RGS5: variants seen among roughly 807,000 people sequenced by gnomAD.
RGS5 encodes the protein regulator of G-protein signalling 5.
A neutral mutation model predicts 18.9 loss-of-function variants in RGS5; 20 were observed. That is an observed-to-expected ratio of 1.06 (90% CI 0.74 to 1.54). The LOEUF (loss-of-function observed/expected upper bound fraction) is 1.54, where lower values mean the gene tolerates loss of function less well. RGS5 is among the 40% of genes most tolerant of loss of function. The pLI, the probability that RGS5 is intolerant of heterozygous loss-of-function variation, is 0.00. For synonymous variants in RGS5, 57 were observed against 76.2 expected (o/e 0.75, Z 1.31); for missense variants, 201 against 211.8 (o/e 0.95, Z 0.32).
At chr1:163,231,882 T>C (rs1647491365) in intron 2 of RGS5, among the ~76,000 whole-genome samples, 1 of 152,042 alleles carries the variant, frequency 6.6e-6, no homozygotes, top group Non-Finnish European at 1.5e-5. Flanking sequence ...TGTGCAGAAG[T>C]AAAGTACTCC....
chr1:163,222,861 A>T (rs534092302), intron 2 of RGS5, among the ~76,000 whole-genome samples: 1 of 151,872 alleles, frequency 6.6e-6, no homozygotes, highest in East Asian at 1.9e-4. Flanking sequence ...TTATTTTTTT[A>T]TTTATTTATA....
chr1:163,153,228 A>C (rs901135901), intron 3 of RGS5, among the ~76,000 whole-genome samples: 1 of 152,178 alleles, frequency 6.6e-6, no homozygotes, highest in Non-Finnish European at 1.5e-5. Context: ...TGTCCCAAGC[A>C]CTATGATTTA....
rs35268118 is a variant in RGS5 at position 163,253,472 on chromosome 1, C to CT, written c.-281+52760dup. ...TACAGGTACACGCCACCATGCCCAACTTTTTTTTTTTTTTTTTAGTAGAGA... is the reference window on the plus strand; with the variant it reads ...TACAGGTACACGCCACCATGCCCAACTTTTTTTTTTTTTTTTTTAGTAGAGA... On this transcript the variant is annotated intron_variant, in intron 2 of 5. Coordinates refer to the RGS5 transcript ENST00000618415. Among the ~76,000 whole-genome samples, 488 of 137,716 alleles carry CT rather than the reference C, an allele frequency of 3.5e-3. 2 individuals carry two copies. Among genetic ancestry groups the CT allele is most frequent in the African/African-American group, 9.4e-3 (355 of 37,762 alleles). 90.3% of individuals were successfully genotyped at this position (137,716 alleles called of 152,430 possible).
Position 163,275,656 on chromosome 1 carries a change from G to A in RGS5, c.-281+30577C>T, listed in dbSNP as rs1167338592. On this transcript the variant is annotated intron_variant, in intron 2 of 5. Transcript: ENST00000618415. ...GGGTTATTTCCAGAGAACTGAAATGGTTATTTTTTTACATCTCTTTTCAGC... is the reference window on the plus strand; with the variant it reads ...GGGTTATTTCCAGAGAACTGAAATGATTATTTTTTTACATCTCTTTTCAGC... 2.6e-5 allele frequency among the ~76,000 whole-genome samples: 4 copies of A among 152,148 alleles called. No homozygotes were observed. The South Asian group carries it at 8.3e-4, about 32-fold the overall frequency.
chr1:163,147,036 T>C lies in RGS5; in HGVS notation c.*306A>G, dbSNP rs1657156917. The C allele has an allele frequency of 4.6e-6, 1 of 217,526 alleles. No individual in the cohort carries two copies. The highest frequency in any genetic ancestry group is 9.0e-6 in the Non-Finnish European group (1 of 111,504). The allele number at this position is 217,526 out of a possible 1,614,324, so 13.5% of individuals were successfully genotyped here. A position where few individuals can be genotyped will look rare whatever the true frequency, so the allele number is the denominator to read the frequency against. ...TAACCCACATTCATTGATATCATAG[T>C]CTTGTCTTATATTTCTTTGCCTTAG... is the stretch of plus-strand genomic sequence containing the variant. On this transcript the variant is annotated 3_prime_UTR_variant, in exon 5 of 5. Transcript: ENST00000313961.
chr1:163,267,750 T>C (rs913713349), intron 2 of RGS5, among the ~76,000 whole-genome samples: 6 of 152,262 alleles, frequency 3.9e-5, no homozygotes, highest in African/African-American at 1.4e-4. Flanking sequence ...AGGTCATAAA[T>C]AGAAATCAGA....
At chr1:163,317,372 T>G (rs1003239878) in intron 1 of RGS5, among the ~76,000 whole-genome samples, 2 of 152,196 alleles carry the variant, frequency 1.3e-5, no homozygotes, top group Admixed American at 6.5e-5. Context: ...ACTCTATCCT[T>G]GATTTCTCCC....
intron 2 of RGS5, among the ~76,000 whole-genome samples, chr1:163,224,088 C>G (rs1386958884): frequency 6.6e-6 from 1 of 152,092 alleles, no homozygotes; most frequent in African/African-American, 2.4e-5. Context: ...TTTCTTCTAG[C>G]TATTTTGAAA....
intron 1 of RGS5, among the ~76,000 whole-genome samples, chr1:163,215,165 T>C (rs1184197346): frequency 6.6e-6 from 1 of 152,196 alleles, no homozygotes; most frequent in African/African-American, 2.4e-5. Context: ...CCCATGTTGG[T>C]TTATATTTAT....
intron 2 of RGS5, among the ~76,000 whole-genome samples, chr1:163,223,617 T>G (rs1281271497): frequency 6.6e-6 from 1 of 152,160 alleles, no homozygotes; most frequent in Non-Finnish European, 1.5e-5. Context: ...ATAGCCCAAG[T>G]TTTAATCAAT....
intron 2 of RGS5, among the ~76,000 whole-genome samples, chr1:163,260,912 T>G (rs964313299): frequency 6.6e-6 from 1 of 152,184 alleles, no homozygotes; most frequent in South Asian, 2.1e-4. Context: ...TCTGTTTAAA[T>G]GACTGTGTGA....
At chr1:163,156,514 C>G (rs1356124937) in intron 3 of RGS5, among the ~76,000 whole-genome samples, 2 of 152,122 alleles carry the variant, frequency 1.3e-5, no homozygotes, top group African/African-American at 4.8e-5. Flanking sequence ...ACTTTCTGTT[C>G]TTTTGTTGGG....
At chr1:163,317,261 G>A (rs567650796) in intron 1 of RGS5, among the ~76,000 whole-genome samples, 1 of 152,192 alleles carries the variant, frequency 6.6e-6, no homozygotes. Context: ...AATTTCACTC[G>A]TACTTATCAA....
At chr1:163,149,758 G>A (rs1657299851) in intron 4 of RGS5, among the ~76,000 whole-genome samples, 1 of 152,088 alleles carries the variant, frequency 6.6e-6, no homozygotes, top group Non-Finnish European at 1.5e-5. Flanking sequence ...AGTATTCAGA[G>A]CAACAAAATT....
intron 1 of RGS5, among the ~76,000 whole-genome samples, chr1:163,178,742 T>A (rs148161278): frequency 6.6e-6 from 1 of 152,110 alleles, no homozygotes; most frequent in African/African-American, 2.4e-5. Flanking sequence ...TTGCTTAAAC[T>A]TAAACAGGAA....
chr1:163,278,902 C>T (rs549407854), intron 2 of RGS5, among the ~76,000 whole-genome samples: 26 of 152,016 alleles, frequency 1.7e-4, no homozygotes, highest in Non-Finnish European at 3.4e-4. Context: ...AGTGGCCATA[C>T]TTATACCAGA....
intron 2 of RGS5, among the ~76,000 whole-genome samples, chr1:163,257,558 G>T (rs1201260005): frequency 1.3e-5 from 2 of 151,986 alleles, no homozygotes; most frequent in African/African-American, 4.8e-5. Flanking sequence ...AATTAATCTT[G>T]TTTTATGTTC....
chr1:163,218,773 G>A (rs1660272580), upstream of RGS5, among the ~76,000 whole-genome samples: 2 of 152,234 alleles, frequency 1.3e-5, no homozygotes, highest in South Asian at 4.1e-4. Context: ...ATTAAGGAAT[G>A]GGATTATGGT....
chr1:163,321,131 G>A, intron 1 of RGS5: 1 of 152,200 alleles, frequency 6.6e-6, no homozygotes, highest in South Asian at 2.1e-4. Flanking sequence ...ACAGATTTCA[G>A]GGCCCCTTAT....
Sources: allele counts gnomAD v4.1 joint callset (sites outside exome capture counted in the v4.1 genomes callset), GRCh38; gene constraint gnomAD v4.1.1; transcripts MANE v1.5; gene names NCBI Gene and HGNC (gene_info 2026-07-23, HGNC 2026-07-21).